LRRC52: variants seen among roughly 807,000 people sequenced by gnomAD.
The protein encoded by LRRC52 is leucine rich repeat containing 52.
LRRC52 carries 15 observed loss-of-function variants against 14.7 expected under a neutral mutation model. That is an observed-to-expected ratio of 1.02 (90% confidence interval 0.68 to 1.58). LRRC52 has a LOEUF of 1.58. LRRC52 is among the 40% of genes most tolerant of loss of function. The pLI is 0.00. For missense variants in LRRC52, 400 were observed against 387.7 expected, an observed-to-expected ratio of 1.03 and a Z score of -0.27; for synonymous variants, 180 against 163.9, an observed-to-expected ratio of 1.10 and a Z score of -0.75.
In LRRC52 at chr1:165,551,329, T is replaced by G. The variant is rs989950779; in HGVS notation, c.622+6411T>G. Among the ~76,000 whole-genome samples the G allele has an allele frequency of 3.9e-5, 6 of 152,228 alleles. 1 individual carries two copies. Among genetic ancestry groups the G allele is most frequent in the Admixed American group, 3.9e-4 (6 of 15,288 alleles). ...AGGTTCTGATTCAGTCAACTCTTCATGCCGGTTGTCCTTAGGCCACTTTTC... is the reference window on the plus strand; with the variant it reads ...AGGTTCTGATTCAGTCAACTCTTCAGGCCGGTTGTCCTTAGGCCACTTTTC... On this transcript the variant is annotated intron_variant, in intron 1 of 1. Coordinates refer to ENST00000294818, the MANE Select transcript of LRRC52 (RefSeq NM_001005214.4).
chr1:165,548,852 G>A (rs1429476245), intron 1 of LRRC52, among the ~76,000 whole-genome samples: 1 of 152,206 alleles, frequency 6.6e-6, no homozygotes, highest in Non-Finnish European at 1.5e-5. Flanking sequence ...AAAGGTACAG[G>A]ATACTAAGAG....
chr1:165,563,360 A>T, intron 1 of LRRC52, 145 bp from the exon 2 acceptor site: 1 of 669,120 alleles, frequency 1.5e-6, no homozygotes, highest in South Asian at 1.9e-5. Flanking sequence ...ATTTCTAACA[A>T]GGTCCAGGTG....
intron 1 of LRRC52, among the ~76,000 whole-genome samples, chr1:165,559,389 C>CA (rs897108089): frequency 1.3e-3 from 182 of 141,662 alleles, no homozygotes; most frequent in East Asian, 8.3e-3. Context: ...AACTCTGTCT[C>CA]AAAAAAAAAA....
At position 165,562,352 on chromosome 1, in the gene LRRC52, G is replaced by A. The variant is rs143012349; in HGVS notation, c.623-1153G>A. On this transcript the variant is annotated intron_variant, in intron 1 of 1. Transcript: ENST00000294818. ...TTTGATTATGGTTGTCTCAAGCCCT[G>A]AGCCGGAGCTCAGTGATCTAGTGTG... Among the ~76,000 whole-genome samples the A allele has an allele frequency of 1.6e-4, 24 of 152,188 alleles. No individual in the cohort carries two copies. In the East Asian group the frequency reaches 4.4e-3, roughly 28 times the overall value.
intron 1 of LRRC52, among the ~76,000 whole-genome samples, chr1:165,550,750 C>G (rs1355329863): frequency 1.3e-5 from 2 of 151,902 alleles, no homozygotes; most frequent in Non-Finnish European, 2.9e-5. Flanking sequence ...GGCTGTTTCA[C>G]CGAGAAAAAA....
chr1:165,552,652 T>C (rs1661157291), intron 1 of LRRC52, among the ~76,000 whole-genome samples: 1 of 152,168 alleles, frequency 6.6e-6, no homozygotes, highest in African/African-American at 2.4e-5. Flanking sequence ...CTGAACTAGC[T>C]CCTCTCATAG....
rs1016405397 is a variant in LRRC52 at position 165,544,106 on chromosome 1, C to A, written c.-191C>A. ...CGAGCGACAGAGCCACCAAGCTGGGCGGCAGGGCATTGAGCCTCGCGTTTC... is the reference window on the plus strand; with the variant it reads ...CGAGCGACAGAGCCACCAAGCTGGGAGGCAGGGCATTGAGCCTCGCGTTTC... On this transcript the variant is annotated 5_prime_UTR_variant, in exon 1 of 2. Coordinates refer to ENST00000294818, the MANE Select transcript of LRRC52 (RefSeq NM_001005214.4). 1.5e-6 allele frequency: 1 copy of A among 678,552 alleles called. No homozygotes were observed. The highest frequency in any genetic ancestry group is 2.4e-6 in the Non-Finnish European group (1 of 410,668). The allele number at this position is 678,552 out of a possible 1,614,324, so 42.0% of individuals were successfully genotyped here.
intron 1 of LRRC52, among the ~76,000 whole-genome samples, chr1:165,555,694 C>T (rs957467147): frequency 1.2e-4 from 19 of 152,168 alleles, no homozygotes; most frequent in African/African-American, 4.6e-4. Context: ...AGGTAAGAAT[C>T]AGGATACATT....
Position 165,544,728 on chromosome 1 carries a change from C to G in LRRC52, c.432C>G (p.Phe144Leu), listed in dbSNP as rs1311361027. 2 of 1,614,094 alleles carry G rather than the reference C, an allele frequency of 1.2e-6. No homozygotes were observed. The highest frequency in any genetic ancestry group is 3.3e-5 in the Admixed American group (2 of 60,022). The change falls in exon 1 of 2, where the codon TTC (phenylalanine) becomes TTG (leucine). Residue 144 changes from phenylalanine (F) to leucine (L), a missense_variant. Transcript: ENST00000294818. ...NNPHLLSLHK[F>L]TFANTTSLRY... ...CTCACCTGTTATCGCTTCACAAGTT[C>G]ACCTTTGCCAACACCACCTCTTTGA... is the stretch of plus-strand genomic sequence containing the variant.
rs374998855 is a variant in LRRC52 at position 165,550,099 on chromosome 1, G to A, written c.622+5181G>A. ...CCTTTCTGGCCCAGGTTAGCAAGTG[G>A]GAGGACTAATTCCTGGCCAGCACTG... is the stretch of plus-strand genomic sequence containing the variant. On this transcript the variant is annotated intron_variant, in intron 1 of 1. Coordinates refer to ENST00000294818, the MANE Select transcript of LRRC52 (RefSeq NM_001005214.4). Among the ~76,000 whole-genome samples, 12 of 152,308 alleles carry A rather than the reference G, an allele frequency of 7.9e-5. 1 individual carries two copies. In the East Asian group the frequency reaches 1.5e-3, roughly 20 times the overall value.
Position 165,544,589 on chromosome 1 carries a change from TC to T in LRRC52, c.294del (p.Ile98MetfsTer16), listed in dbSNP as rs1465301399. The stretch of plus-strand genomic sequence containing the variant: ...CGAGAGGTGATGGATTATACCTTCA[TC>T]GGGGTCTTCAAACTCATCTACCTTG... ...RIREVMDYTF[I>X]GVFKLIYLDL... On this transcript the variant is annotated frameshift_variant, in exon 1 of 2. Transcript: ENST00000294818. LOFTEE classifies it high-confidence loss of function. 1 of 1,613,842 alleles carries T rather than the reference TC, an allele frequency of 6.2e-7. No homozygotes were observed. Among genetic ancestry groups the T allele is most frequent in the Non-Finnish European group, 8.5e-7 (1 of 1,180,018 alleles).
At position 165,557,288 on chromosome 1, in the gene LRRC52, T is replaced by A. The variant is rs963918881; in HGVS notation, c.623-6217T>A. Among the ~76,000 whole-genome samples the A allele has an allele frequency of 2.6e-5, 4 of 152,134 alleles. No individual in the cohort carries two copies. In the East Asian group the frequency reaches 7.7e-4, roughly 29 times the overall value. On this transcript the variant is annotated intron_variant, in intron 1 of 1. Coordinates refer to ENST00000294818, the MANE Select transcript of LRRC52 (RefSeq NM_001005214.4). ...GTCCTAGAGAGCATCCATTCCTGCCTCCTTGGAGCTTCACTTAGCTCACTG... is the reference window on the plus strand; with the variant it reads ...GTCCTAGAGAGCATCCATTCCTGCCACCTTGGAGCTTCACTTAGCTCACTG...
intron 1 of LRRC52, among the ~76,000 whole-genome samples, chr1:165,559,017 C>T (rs1327887673): frequency 6.6e-6 from 1 of 152,164 alleles, no homozygotes; most frequent in African/African-American, 2.4e-5. Flanking sequence ...AGATATTGGT[C>T]AATGATAGAA....
Position 165,563,916 on chromosome 1 carries a change from A to T in LRRC52, c.*92A>T. On this transcript the variant is annotated 3_prime_UTR_variant, in exon 2 of 2. Transcript: ENST00000294818. ...CCACCACCTTGGAGCTGTCATAGAG[A>T]TTGAAACCTTCTAGTAAAATAAATA... The T allele has an allele frequency of 7.6e-7, 1 of 1,318,092 alleles. No individual in the cohort carries two copies. 81.6% of individuals were successfully genotyped at this position (1,318,092 alleles called of 1,614,324 possible).
intron 1 of LRRC52, among the ~76,000 whole-genome samples, chr1:165,562,425 C>T (rs1309427987): frequency 6.6e-6 from 1 of 152,084 alleles, no homozygotes; most frequent in African/African-American, 2.4e-5. Context: ...TCAGCCTCAG[C>T]ATGGAAGAGT....
At chr1:165,550,968 A>G (rs1661118754) in intron 1 of LRRC52, among the ~76,000 whole-genome samples, 1 of 152,202 alleles carries the variant, frequency 6.6e-6, no homozygotes, top group Non-Finnish European at 1.5e-5. Flanking sequence ...CTGGTAGCCT[A>G]TGGACCTAAA....
chr1:165,544,244 C>A lies in LRRC52; in HGVS notation c.-53C>A. ...ACCCCCCCACCGGCAGCCTTCGGATCAGAGGACAGAGCCCGCAGGAAGGTG... is the reference window on the plus strand; with the variant it reads ...ACCCCCCCACCGGCAGCCTTCGGATAAGAGGACAGAGCCCGCAGGAAGGTG... On this transcript the variant is annotated 5_prime_UTR_variant, in exon 1 of 2. Coordinates refer to ENST00000294818, the MANE Select transcript of LRRC52 (RefSeq NM_001005214.4). The A allele has an allele frequency of 3.1e-6, 4 of 1,286,382 alleles. No individual in the cohort carries two copies. The highest frequency in any genetic ancestry group is 3.1e-6 in the Non-Finnish European group (3 of 956,316). 79.7% of individuals were successfully genotyped at this position (1,286,382 alleles called of 1,614,324 possible). A position where few individuals can be genotyped will look rare whatever the true frequency, so the allele number is the denominator to read the frequency against.
At chr1:165,553,225 C>G (rs974655303) in intron 1 of LRRC52, among the ~76,000 whole-genome samples, 9 of 152,142 alleles carry the variant, frequency 5.9e-5, no homozygotes, top group African/African-American at 2.2e-4. Context: ...GAAAGAGCAA[C>G]TCATGTAGGA....
chr1:165,551,369 A>G (rs1557964315), intron 1 of LRRC52, among the ~76,000 whole-genome samples: 1 of 152,238 alleles, frequency 6.6e-6, no homozygotes, highest in African/African-American at 2.4e-5. Flanking sequence ...ACCCTAGAAC[A>G]GTGGCCTGTG....
Sources: gnomAD v4.1 joint callset for allele counts (sites outside exome capture counted in the v4.1 genomes callset) on GRCh38, gnomAD v4.1.1 for gene constraint, MANE v1.5 for transcripts, NCBI Gene and HGNC (gene_info 2026-07-23, HGNC 2026-07-21) for gene names.